AP3B1: variants seen among roughly 807,000 people sequenced by gnomAD.
AP3B1 encodes AP-3 complex subunit beta-1.
In AP3B1, 61 loss-of-function variants were observed where a neutral mutation model predicts 132.5. The observed-to-expected ratio is 0.46, with a 90% CI of 0.37 to 0.57. The LOEUF is 0.57. Among genes scored for constraint, AP3B1 ranks in the 20% least tolerant of loss-of-function variants. AP3B1 has a pLI of 0.00. For missense variants in AP3B1, 1,120 were observed against 1,289.4 expected, an observed-to-expected ratio of 0.87 and a Z score of 2.01; for synonymous variants, 388 against 438.3, an observed-to-expected ratio of 0.89 and a Z score of 1.43.
intron 26 of AP3B1, 25 bp downstream of exon 26, chr5:78,015,385 C>T: frequency 6.2e-7 from 1 of 1,611,536 alleles, no homozygotes; most frequent in Non-Finnish European, 8.5e-7. Flanking sequence ...ATCTTCACCT[C>T]CACATCGTGT....
chr5:78,074,957 C>T (rs1561389132), intron 22 of AP3B1, among the ~76,000 whole-genome samples: 1 of 152,112 alleles, frequency 6.6e-6, no homozygotes, highest in South Asian at 2.1e-4. Flanking sequence ...GATTCTTCTA[C>T]TATATTAGAA....
intron 2 of AP3B1, among the ~76,000 whole-genome samples, chr5:78,263,854 G>A (rs2112557297): frequency 6.6e-6 from 1 of 152,176 alleles, no homozygotes; most frequent in East Asian, 1.9e-4. Context: ...GGTCAAGGAG[G>A]GACCACATAT....
At chr5:78,122,148 C>G (rs558447378) in intron 17 of AP3B1, among the ~76,000 whole-genome samples, 14 of 152,102 alleles carry the variant, frequency 9.2e-5, no homozygotes, top group Admixed American at 2.0e-4. Flanking sequence ...ATTCAACAAC[C>G]CTTCATGCTA....
chr5:78,215,942 T>C, intron 7 of AP3B1, 113 bp downstream of exon 7: 1 of 945,260 alleles, frequency 1.1e-6, no homozygotes. Context: ...AAATGAGTCT[T>C]CCTTAAATAT....
chr5:78,021,270 A>G (rs1307491344), intron 24 of AP3B1, among the ~76,000 whole-genome samples: 1 of 152,128 alleles, frequency 6.6e-6, no homozygotes, highest in Admixed American at 6.5e-5. Flanking sequence ...AGGTGCTAAT[A>G]AAGTAATATC....
chr5:78,225,438 A>G, intron 6 of AP3B1, 104 bp downstream of exon 6: 1 of 638,614 alleles, frequency 1.6e-6, no homozygotes, highest in Non-Finnish European at 2.5e-6. Context: ...TATTTATACC[A>G]TTTTGAAATC....
At chr5:78,084,894 C>T (rs1351453204) in intron 22 of AP3B1, among the ~76,000 whole-genome samples, 2 of 151,744 alleles carry the variant, frequency 1.3e-5, no homozygotes, top group Non-Finnish European at 2.9e-5. Context: ...TCCTTTTTTC[C>T]ATCTGACATT....
At chr5:78,242,837 A>C (rs1263432348) in intron 2 of AP3B1, among the ~76,000 whole-genome samples, 1 of 152,146 alleles carries the variant, frequency 6.6e-6, no homozygotes, top group South Asian at 2.1e-4. Flanking sequence ...TTATAACTTT[A>C]TATCTTTTAA....
At chr5:78,048,581 A>G (rs984187129) in intron 22 of AP3B1, among the ~76,000 whole-genome samples, 1 of 152,196 alleles carries the variant, frequency 6.6e-6, no homozygotes, top group Non-Finnish European at 1.5e-5. Context: ...CTGAGATTTA[A>G]AACTCTAATT....
chr5:78,049,461 A>G (rs1748487999), intron 22 of AP3B1, among the ~76,000 whole-genome samples: 2 of 152,230 alleles, frequency 1.3e-5, no homozygotes, highest in East Asian at 3.8e-4. Context: ...AAGCCAAAGT[A>G]TCCTAGTCCT....
At chr5:78,176,598 G>A (rs984596541) in intron 9 of AP3B1, among the ~76,000 whole-genome samples, 1 of 152,054 alleles carries the variant, frequency 6.6e-6, no homozygotes, top group African/African-American at 2.4e-5. Flanking sequence ...AAATAGCTAA[G>A]GTATGTCAAA....
intron 11 of AP3B1, among the ~76,000 whole-genome samples, chr5:78,174,570 T>C (rs1385926974): frequency 1.3e-5 from 2 of 150,366 alleles, no homozygotes; most frequent in South Asian, 2.1e-4. Flanking sequence ...ACAGCAAATA[T>C]TGCTGCCTGG....
At chr5:78,065,584 C>G (rs1269549686) in intron 22 of AP3B1, among the ~76,000 whole-genome samples, 2 of 152,186 alleles carry the variant, frequency 1.3e-5, no homozygotes, top group African/African-American at 4.8e-5. Context: ...AACATGGACC[C>G]ATTCCTCCTC....
At chr5:78,275,287 A>T (rs1748726230) in intron 1 of AP3B1, among the ~76,000 whole-genome samples, 1 of 152,202 alleles carries the variant, frequency 6.6e-6, no homozygotes, top group African/African-American at 2.4e-5. Flanking sequence ...TTATTTCACT[A>T]AAGGTGAAAT....
In AP3B1 at chr5:78,137,197, T is replaced by G. The variant is rs144130855; in HGVS notation, c.1650+3946A>C. On this transcript the variant is annotated intron_variant, in intron 15 of 26. Transcript: ENST00000255194. ...GACATAGTTAAACTCTTTGAATGAG[T>G]ACAGGATTTTCATTTGTTTTAGCAG... Among the ~76,000 whole-genome samples the G allele has an allele frequency of 1.1e-3, 164 of 152,254 alleles. 1 individual carries two copies. Among genetic ancestry groups the G allele is most frequent in the African/African-American group, 3.9e-3 (160 of 41,552 alleles).
At chr5:78,244,831 C>T (rs1256287970) in intron 2 of AP3B1, among the ~76,000 whole-genome samples, 4 of 152,052 alleles carry the variant, frequency 2.6e-5, no homozygotes, top group African/African-American at 7.2e-5. Flanking sequence ...CCTGTCTCTA[C>T]TAAAAATACA....
At chr5:78,020,549 A>G (rs1199277790) in intron 25 of AP3B1, 143 bp downstream of exon 25, 4 of 681,082 alleles carry the variant, frequency 5.9e-6, no homozygotes, top group African/African-American at 5.4e-5. Context: ...TTGTAAGTGC[A>G]AAGCATTAAC....
intron 25 of AP3B1, among the ~76,000 whole-genome samples, chr5:78,018,315 A>C (rs1746937264): frequency 6.6e-6 from 1 of 152,006 alleles, no homozygotes; most frequent in Non-Finnish European, 1.5e-5. Flanking sequence ...TTTGACTACC[A>C]ATCTTATTAT....
chr5:78,024,900 T>C (rs1747275747), intron 24 of AP3B1, among the ~76,000 whole-genome samples: 1 of 149,730 alleles, frequency 6.7e-6, no homozygotes, highest in African/African-American at 2.5e-5. Context: ...AGTCTTACTA[T>C]GTTGCCCAGG....
Sources: gnomAD v4.1 joint callset for allele counts (sites outside exome capture counted in the v4.1 genomes callset) on GRCh38, gnomAD v4.1.1 for gene constraint, MANE v1.5 for transcripts, NCBI Gene and HGNC (gene_info 2026-07-23, HGNC 2026-07-21) for gene names.